Variants in TBC1D32 observed in about 807,000 individuals in gnomAD.
TBC1D32 encodes TBC1 domain family member 32.
Under a neutral mutation model 170.3 loss-of-function variants are expected in TBC1D32, and 151 were observed. The observed-to-expected ratio is 0.89, with a 90% confidence interval of 0.78 to 1.01. TBC1D32 has a LOEUF of 1.01. Among genes scored for constraint, TBC1D32 ranks in the 50% least tolerant of loss-of-function variants. TBC1D32 has a pLI of 0.00. For synonymous variants in TBC1D32, 498 were observed against 488.0 expected (o/e 1.02, Z -0.27); for missense variants, 1,464 against 1,457.1 (o/e 1.00, Z -0.08).
chr6:121,097,432 A>T (rs1381813848), intron 30 of TBC1D32, among the ~76,000 whole-genome samples: 1 of 152,308 alleles, frequency 6.6e-6, no homozygotes, highest in African/African-American at 2.4e-5. Context: ...GCCAACAAAC[A>T]TATGAAAAAA....
At chr6:121,142,153 C>T (rs1485571760) in intron 24 of TBC1D32, among the ~76,000 whole-genome samples, 2 of 152,224 alleles carry the variant, frequency 1.3e-5, no homozygotes, top group East Asian at 1.9e-4. Context: ...ACCCCTAGTG[C>T]CGGCAGTCCC....
rs1391106164 is a variant in TBC1D32, at chr6:121,262,696, C to T, written c.1734-6411G>A. The stretch of plus-strand genomic sequence containing the variant: ...TTCGCCATGTTGGCCAGGCTGGTCT[C>T]GAACTCCTGACCTCAGGTGATCTGC... On this transcript the variant is annotated intron_variant, in intron 15 of 31. Coordinates refer to ENST00000398212, the MANE Select transcript of TBC1D32 (RefSeq NM_152730.6). Among the ~76,000 whole-genome samples the T allele has an allele frequency of 2.6e-5, 4 of 152,042 alleles. No homozygotes were observed. The South Asian group carries it at 6.2e-4, about 24-fold the overall frequency.
At chr6:121,140,991 T>C (rs1180524104) in intron 24 of TBC1D32, among the ~76,000 whole-genome samples, 1 of 152,138 alleles carries the variant, frequency 6.6e-6, no homozygotes, top group Non-Finnish European at 1.5e-5. Flanking sequence ...GAGAGCTTGA[T>C]AATGGAAAAA....
Position 121,080,294 on chromosome 6 carries a change from T to C in TBC1D32, c.*477A>G, listed in dbSNP as rs1304895990. ...GTACAGTGGCACAATCTTGGCTCAC[T>C]GCAACCTCCGCCTCCCGGGTTCAAG... On this transcript the variant is annotated 3_prime_UTR_variant, in exon 32 of 32. Coordinates refer to ENST00000398212, the MANE Select transcript of TBC1D32 (RefSeq NM_152730.6). 24 of 255,760 alleles carry C rather than the reference T, an allele frequency of 9.4e-5. No individual in the cohort carries two copies. The highest frequency in any genetic ancestry group is 8.3e-6 in the Non-Finnish European group (1 of 121,018). 15.8% of individuals were successfully genotyped at this position (255,760 alleles called of 1,614,324 possible).
chr6:121,113,021 GA>G (rs1240614504), intron 28 of TBC1D32, 40 bp downstream of exon 28: 6 of 1,446,024 alleles, frequency 4.1e-6, no homozygotes, highest in African/African-American at 1.4e-5. Flanking sequence ...AAAAATATGT[GA>G]AAAAAATTAA....
intron 11 of TBC1D32, 81 bp from the exon 12 acceptor site, chr6:121,292,274 A>C (rs1178229665): frequency 1.0e-5 from 14 of 1,390,368 alleles, no homozygotes; most frequent in Non-Finnish European, 1.3e-5. Flanking sequence ...TCTAGACATT[A>C]AACAAGGCTA....
At chr6:121,107,406 G>A (rs1052187922) in intron 29 of TBC1D32, among the ~76,000 whole-genome samples, 5 of 151,762 alleles carry the variant, frequency 3.3e-5, no homozygotes, top group Non-Finnish European at 2.9e-5. Flanking sequence ...TTATGTAAAT[G>A]TATATTTATG....
chr6:121,128,845 G>A (rs754335707), intron 25 of TBC1D32, among the ~76,000 whole-genome samples: 11 of 152,058 alleles, frequency 7.2e-5, no homozygotes, highest in Non-Finnish European at 1.3e-4. Flanking sequence ...AATTTCTTAC[G>A]TTAAAATCCA....
At chr6:121,251,393 A>G (rs1257482588) in intron 17 of TBC1D32, among the ~76,000 whole-genome samples, 5 of 152,134 alleles carry the variant, frequency 3.3e-5, no homozygotes, top group Admixed American at 3.3e-4. Context: ...GGCCTCAGAG[A>G]TAACACCACA....
At chr6:121,192,296 G>A (rs946434033) in intron 22 of TBC1D32, 1 of 151,934 alleles carries the variant, frequency 6.6e-6, no homozygotes, top group African/African-American at 2.4e-5. Context: ...TGTTTAGAGA[G>A]TTACATAAAA....
At chr6:121,203,080 A>T (rs1040658202) in intron 22 of TBC1D32, among the ~76,000 whole-genome samples, 1 of 151,348 alleles carries the variant, frequency 6.6e-6, no homozygotes, top group Non-Finnish European at 1.5e-5. Flanking sequence ...AGAAACAAAC[A>T]AAAAATACTA....
chr6:121,135,530 G>T (rs1781958075), intron 24 of TBC1D32, among the ~76,000 whole-genome samples: 1 of 152,120 alleles, frequency 6.6e-6, no homozygotes, highest in African/African-American at 2.4e-5. Context: ...CTTCCTGGAG[G>T]TTTTGCTGAA....
chr6:121,271,520 C>A (rs1421564746), intron 15 of TBC1D32, among the ~76,000 whole-genome samples: 1 of 152,014 alleles, frequency 6.6e-6, no homozygotes, highest in Non-Finnish European at 1.5e-5. Context: ...ACAATTGCTT[C>A]AAAGAGAATA....
intron 10 of TBC1D32, among the ~76,000 whole-genome samples, chr6:121,295,236 T>C (rs1200154935): frequency 1.4e-5 from 2 of 142,246 alleles, no homozygotes; most frequent in Non-Finnish European, 3.0e-5. Context: ...CTTCAAACCT[T>C]CTCCCCTTTC....
chr6:121,267,137 A>AAC (rs1800625492), intron 15 of TBC1D32, among the ~76,000 whole-genome samples: 1 of 151,870 alleles, frequency 6.6e-6, no homozygotes, highest in Non-Finnish European at 1.5e-5. Flanking sequence ...TAAAAAAAAA[A>AAC]AAAGGTCGGG....
intron 31 of TBC1D32, among the ~76,000 whole-genome samples, chr6:121,085,616 T>C (rs904649522): frequency 3.3e-5 from 5 of 151,944 alleles, no homozygotes; most frequent in Admixed American, 2.0e-4. Context: ...GATTTTCTAC[T>C]ACAATCTGAC....
rs1188468352 is a variant in TBC1D32, at chr6:121,241,497, G to A, written c.2213C>T (p.Thr738Ile). ...YGVLVTRVASTAAGGIALKKS... is the reference protein window; with the variant it reads ...YGVLVTRVASIAAGGIALKKS... ...TTTTAGTGCAATGCCACCTGCTGCT[G>A]TTGATGCCACTCGTGTAACCAAAAC... The change falls in exon 19 of 32, where the codon ACA (threonine) becomes ATA (isoleucine). Residue 738 changes from threonine to isoleucine, a missense_variant. By Grantham distance (89) the Thr-to-Ile change is moderately conservative (BLOSUM62 -1). This residue lies in a region of TBC1D32 where 1,363 missense variants were observed against 1,338.1 expected (regional missense o/e 1.02). Coordinates refer to ENST00000398212, the MANE Select transcript of TBC1D32 (RefSeq NM_152730.6). 2 of 1,613,352 alleles carry A rather than the reference G, an allele frequency of 1.2e-6. No individual in the cohort carries two copies. Among genetic ancestry groups the A allele is most frequent in the East Asian group, 2.2e-5 (1 of 44,836 alleles).
intron 20 of TBC1D32, among the ~76,000 whole-genome samples, chr6:121,232,594 T>C (rs1044103053): frequency 1.3e-5 from 2 of 152,192 alleles, no homozygotes; most frequent in South Asian, 2.1e-4. Context: ...GTCTGATTTC[T>C]TTCAGCAGTG....
chr6:121,180,524 T>C (rs925999327), intron 22 of TBC1D32, among the ~76,000 whole-genome samples: 2 of 152,076 alleles, frequency 1.3e-5, no homozygotes, highest in Non-Finnish European at 2.9e-5. Context: ...TAAATGGTGC[T>C]GGGAAAACTG....
Sources: gnomAD v4.1 joint callset for allele counts (sites outside exome capture counted in the v4.1 genomes callset) on GRCh38, gnomAD v4.1.1 for gene constraint, gnomAD v4.1.1 regional missense constraint, MANE v1.5 for transcripts, NCBI Gene and HGNC (gene_info 2026-07-23, HGNC 2026-07-21) for gene names.